The following MGAM2 variants were observed in gnomAD, a reference collection of about 807,000 sequenced individuals.
MGAM2 encodes the protein maltase-glucoamylase 2 (putative).
A neutral mutation model predicts 96.1 loss-of-function variants in MGAM2; 98 were observed. The observed-to-expected ratio is 1.02, with a 90% confidence interval of 0.87 to 1.21. MGAM2 has a LOEUF of 1.21. Ranked by LOEUF, MGAM2 falls within the 50% of genes most tolerant of loss-of-function variation. The probability of loss-of-function intolerance (pLI) is 0.00; values close to 1 mark genes in which losing one functional copy is unlikely to be tolerated. For missense variants in MGAM2, 2,055 were observed against 1,182.4 expected (o/e 1.74, Z -10.82); for synonymous variants, 749 against 414.8 (o/e 1.81, Z -9.79).
rs1367719877 is a variant in MGAM2 at position 142,136,605 on chromosome 7, C to T, written c.812C>T (p.Ser271Phe). 1 of 702,438 alleles carries T rather than the reference C, an allele frequency of 1.4e-6. No individual in the cohort carries two copies. The highest frequency in any genetic ancestry group is 2.6e-6 in the Non-Finnish European group (1 of 384,420). The allele number at this position is 702,438 out of a possible 1,614,324, so 43.5% of individuals were successfully genotyped here. ...FLCLEDARGS[S>F]FGVFLMNSNA... ...TGCCTTGAAGATGCCAGGGGCTCCTCTTTTGGAGTATTTCTGATGAACAGT... is the reference window on the plus strand; with the variant it reads ...TGCCTTGAAGATGCCAGGGGCTCCTTTTTTGGAGTATTTCTGATGAACAGT... The change falls in exon 8 of 48, where the codon TCT (serine) becomes TTT (phenylalanine). Residue 271 changes from serine to phenylalanine, a missense_variant. By Grantham distance (155) the Ser-to-Phe change is radical. Coordinates refer to ENST00000477922, the MANE Select transcript of MGAM2 (RefSeq NM_001293626.2).
At chr7:142,175,090 A>C (rs748550154) in intron 31 of MGAM2, among the ~76,000 whole-genome samples, 15 of 152,092 alleles carry the variant, frequency 9.9e-5, no homozygotes, top group Non-Finnish European at 2.1e-4. Context: ...GAGTGGTGAG[A>C]GAGGACATCC....
At chr7:142,134,404 A>C (rs1794994390) in intron 7 of MGAM2, among the ~76,000 whole-genome samples, 1 of 152,220 alleles carries the variant, frequency 6.6e-6, no homozygotes, top group African/African-American at 2.4e-5. Flanking sequence ...AATGGGAAAT[A>C]CAATTTCATG....
At chr7:142,151,514 A>G (rs1277816871) in intron 15 of MGAM2, among the ~76,000 whole-genome samples, 1 of 152,194 alleles carries the variant, frequency 6.6e-6, no homozygotes, top group South Asian at 2.1e-4. Flanking sequence ...CATCTCTGAA[A>G]TGAGACTCGG....
rs75759043 is a variant in MGAM2 at position 142,154,252 on chromosome 7, A to T, written c.1806+63A>T. On this transcript the variant is annotated intron_variant, in intron 16 of 47. Coordinates refer to ENST00000477922, the MANE Select transcript of MGAM2 (RefSeq NM_001293626.2). The stretch of plus-strand genomic sequence containing the variant: ...GTCTGTTGACATTCTTTTAATTAGC[A>T]GTCTTAGAGATTATCTGAAAAACCA... 155 of 513,636 alleles carry T rather than the reference A, an allele frequency of 3.0e-4. 1 individual carries two copies. The East Asian group carries it at 4.3e-3, about 14-fold the overall frequency. 31.8% of individuals were successfully genotyped at this position (513,636 alleles called of 1,614,324 possible).
intron 26 of MGAM2, 58 bp downstream of exon 26, chr7:142,167,544 G>A: frequency 1.4e-6 from 1 of 698,090 alleles, no homozygotes; most frequent in South Asian, 1.5e-5. Flanking sequence ...TTACAGTGCT[G>A]TATGGATAGA....
chr7:142,160,819 C>T (rs911509258), intron 21 of MGAM2, among the ~76,000 whole-genome samples: 5 of 151,942 alleles, frequency 3.3e-5, no homozygotes, highest in Admixed American at 6.6e-5. Flanking sequence ...ATAATGTGTG[C>T]GGGACACTTA....
chr7:142,123,118 G>A (rs1042214478), intron 3 of MGAM2, among the ~76,000 whole-genome samples: 2 of 151,746 alleles, frequency 1.3e-5, no homozygotes, highest in African/African-American at 4.8e-5. Context: ...CACCGCGCCC[G>A]ACCTCAAAAT....
chr7:142,135,897 G>A (rs1370167495), intron 7 of MGAM2, among the ~76,000 whole-genome samples: 1 of 151,812 alleles, frequency 6.6e-6, no homozygotes, highest in African/African-American at 2.4e-5. Flanking sequence ...ATACAACTAG[G>A]TGTAAAAAAT....
At chr7:142,155,267 A>G (rs1795703448) in intron 17 of MGAM2, among the ~76,000 whole-genome samples, 1 of 152,218 alleles carries the variant, frequency 6.6e-6, no homozygotes, top group Non-Finnish European at 1.5e-5. Context: ...CCCTTGTTAC[A>G]ACATTCTACC....
chr7:142,185,292 C>T (rs949059917), intron 34 of MGAM2, among the ~76,000 whole-genome samples, 153 bp downstream of exon 34: 4 of 152,056 alleles, frequency 2.6e-5, no homozygotes, highest in African/African-American at 7.2e-5. Flanking sequence ...AAGAGATCCT[C>T]GAGTGGAAAG....
intron 30 of MGAM2, among the ~76,000 whole-genome samples, chr7:142,172,995 G>A (rs1302831436): frequency 1.3e-5 from 2 of 152,030 alleles, no homozygotes; most frequent in African/African-American, 2.4e-5. Flanking sequence ...AGTAATAACC[G>A]GCAAATTCTC....
intron 15 of MGAM2, among the ~76,000 whole-genome samples, chr7:142,153,152 CCA>C (rs1795633519): frequency 1.3e-5 from 2 of 152,020 alleles, no homozygotes; most frequent in Non-Finnish European, 2.9e-5. Flanking sequence ...CAGGCGCACA[CCA>C]CCATGTCCAG....
chr7:142,119,396 T>C (rs2129074056), intron 2 of MGAM2, among the ~76,000 whole-genome samples: 1 of 152,248 alleles, frequency 6.6e-6, no homozygotes, highest in South Asian at 2.1e-4. Flanking sequence ...CTATGATGAC[T>C]ATAATTAAAA....
At chr7:142,128,426 A>G (rs555035275) in intron 3 of MGAM2, among the ~76,000 whole-genome samples, 2 of 152,352 alleles carry the variant, frequency 1.3e-5, no homozygotes, top group Non-Finnish European at 2.9e-5. Flanking sequence ...AAGGAGTCAA[A>G]TGGTAATTGC....
chr7:142,187,024 C>T lies in MGAM2; in HGVS notation c.4123-726C>T, dbSNP rs113770095. The stretch of plus-strand genomic sequence containing the variant: ...TAATTCAAAGTAATGAATAGTTCCT[C>T]AAGTACTTTCATTTGCCTTTAGTAT... On this transcript the variant is annotated intron_variant, in intron 35 of 47. Coordinates refer to ENST00000477922, the MANE Select transcript of MGAM2 (RefSeq NM_001293626.2). Among the ~76,000 whole-genome samples, 912 of 151,856 alleles carry T rather than the reference C, an allele frequency of 6.0e-3. 7 individuals are homozygous for T. Among genetic ancestry groups the T allele is most frequent in the African/African-American group, 0.018 (730 of 41,368 alleles).
In MGAM2 at chr7:142,138,648, G is replaced by A. The variant is rs558491020; in HGVS notation, c.1067G>A (p.Arg356His). The change falls in exon 10 of 48, where the codon CGT becomes CAT. Residue 356 changes from arginine to histidine, a missense_variant. Coordinates refer to ENST00000477922, the MANE Select transcript of MGAM2 (RefSeq NM_001293626.2). ...TTGAAAGAAGTTGTAAGCCGAAATCGTTTAGCTGAGATACCATATGTAAGT... is the reference window on the plus strand; with the variant it reads ...TTGAAAGAAGTTGTAAGCCGAAATCATTTAGCTGAGATACCATATGTAAGT... ...NKLKEVVSRN[R>H]LAEIPYDVQY... 161 of 702,724 alleles carry A rather than the reference G, an allele frequency of 2.3e-4. No individual in the cohort carries two copies. Among genetic ancestry groups the A allele is most frequent in the South Asian group, 2.1e-3 (144 of 67,574 alleles). 43.5% of individuals were successfully genotyped at this position (702,724 alleles called of 1,614,324 possible).
intron 3 of MGAM2, among the ~76,000 whole-genome samples, chr7:142,122,854 GA>G (rs1469861682): frequency 6.6e-6 from 1 of 152,072 alleles, no homozygotes; most frequent in Non-Finnish European, 1.5e-5. Context: ...GTTGTTGGAT[GA>G]AATCTCGTTC....
chr7:142,192,907 A>G (rs12703441), intron 37 of MGAM2, among the ~76,000 whole-genome samples: 59,302 of 152,130 alleles, frequency 0.39, 11,944 homozygotes, highest in East Asian at 0.49. Context: ...TGGAAAAATC[A>G]TGGCATCTAT....
At chr7:142,125,567 A>C (rs1794707408) in intron 3 of MGAM2, among the ~76,000 whole-genome samples, 1 of 152,104 alleles carries the variant, frequency 6.6e-6, no homozygotes, top group South Asian at 2.1e-4. Context: ...GATCCCTTCC[A>C]GCCTTTTTTG....
Sources: allele counts gnomAD v4.1 joint callset (sites outside exome capture counted in the v4.1 genomes callset), GRCh38; gene constraint gnomAD v4.1.1; transcripts MANE v1.5; gene names NCBI Gene and HGNC (gene_info 2026-07-23, HGNC 2026-07-21).